ADGRL3: variants seen among roughly 807,000 people sequenced by gnomAD.
ADGRL3 encodes the protein calcium-independent alpha-latrotoxin receptor 3.
In ADGRL3, 62 loss-of-function variants were observed where a neutral mutation model predicts 153.5. That is an observed-to-expected ratio of 0.40 (90% CI 0.33 to 0.50). The LOEUF is 0.50. Ranked by LOEUF, ADGRL3 falls within the 20% of genes least tolerant of loss-of-function variation. The pLI is 0.47. For missense variants in ADGRL3, 1,641 were observed against 1,859.4 expected (o/e 0.88, Z 2.16); for synonymous variants, 710 against 672.5 (o/e 1.06, Z -0.86).
At chr4:61,456,403 CTATATATATATAGA>C (rs2097745784) in intron 2 of ADGRL3, among the ~76,000 whole-genome samples, 17 of 59,334 alleles carry the variant, frequency 2.9e-4, no homozygotes, top group African/African-American at 5.7e-4. Flanking sequence ...ATATCTATAT[CTATATATATATAGA>C]TATATCTATA....
chr4:61,402,842 T>A (rs1553921378), intron 2 of ADGRL3, among the ~76,000 whole-genome samples: 1 of 152,126 alleles, frequency 6.6e-6, no homozygotes, highest in Non-Finnish European at 1.5e-5. Context: ...CATTTAATCA[T>A]TTAACAAATC....
At chr4:62,056,923 T>C (rs1375016202) in intron 25 of ADGRL3, among the ~76,000 whole-genome samples, 1 of 152,094 alleles carries the variant, frequency 6.6e-6, no homozygotes, top group East Asian at 1.9e-4. Flanking sequence ...TGACTGACTA[T>C]TGATGAATGG....
At chr4:61,953,177 A>T (rs1053511078) in intron 17 of ADGRL3, among the ~76,000 whole-genome samples, 1 of 152,228 alleles carries the variant, frequency 6.6e-6, no homozygotes, top group Admixed American at 6.5e-5. Flanking sequence ...TCATACACAG[A>T]AGTACAGCAG....
chr4:61,650,212 A>G (rs1011125014), intron 5 of ADGRL3, among the ~76,000 whole-genome samples: 1 of 152,216 alleles, frequency 6.6e-6, no homozygotes, highest in African/African-American at 2.4e-5. Flanking sequence ...ATTAAGCAGG[A>G]TAATTTTTTT....
intron 19 of ADGRL3, among the ~76,000 whole-genome samples, chr4:61,992,186 T>A (rs1421089267): frequency 6.6e-6 from 1 of 152,154 alleles, no homozygotes; most frequent in Admixed American, 6.6e-5. Flanking sequence ...ATAAATTGTA[T>A]TCTTCAATAG....
intron 2 of ADGRL3, among the ~76,000 whole-genome samples, chr4:61,396,799 T>C (rs2096873532): frequency 6.6e-6 from 1 of 151,886 alleles, no homozygotes; most frequent in Non-Finnish European, 1.5e-5. Flanking sequence ...GCTAATAACA[T>C]GTATTTTCAT....
chr4:61,539,626 G>A (rs1044052686), intron 4 of ADGRL3, among the ~76,000 whole-genome samples: 3 of 152,132 alleles, frequency 2.0e-5, no homozygotes, highest in Non-Finnish European at 4.4e-5. Flanking sequence ...GGTGTGCATC[G>A]TCTCAGTTCA....
At chr4:61,974,856 T>A (rs2099042503) in intron 17 of ADGRL3, among the ~76,000 whole-genome samples, 1 of 152,218 alleles carries the variant, frequency 6.6e-6, no homozygotes, top group Admixed American at 6.5e-5. Flanking sequence ...TCTAATTTTC[T>A]TTATCTTTTA....
intron 1 of ADGRL3, among the ~76,000 whole-genome samples, chr4:61,342,687 A>T (rs1425240071): frequency 6.6e-6 from 1 of 152,136 alleles, no homozygotes; most frequent in Non-Finnish European, 1.5e-5. Flanking sequence ...TTCTTCATTA[A>T]GAAACATTCT....
At chr4:62,007,383 T>TACACACAC (rs71269038) in intron 21 of ADGRL3, among the ~76,000 whole-genome samples, 1 of 30,782 alleles carries the variant, frequency 3.2e-5, no homozygotes, top group Non-Finnish European at 6.5e-5. Flanking sequence ...TATATATATA[T>TACACACAC]ACACACACAC....
At chr4:61,344,366 G>T (rs1048638746) in intron 1 of ADGRL3, among the ~76,000 whole-genome samples, 13 of 152,062 alleles carry the variant, frequency 8.5e-5, no homozygotes, top group Admixed American at 6.6e-5. Flanking sequence ...ACAGATGCAC[G>T]CAAGTACAGG....
chr4:61,893,161 CT>C (rs561987725), intron 10 of ADGRL3, among the ~76,000 whole-genome samples: 2,109 of 141,330 alleles, frequency 0.015, 25 homozygotes, highest in Non-Finnish European at 0.02. Flanking sequence ...TTTCCTCTTT[CT>C]TTTTTTTCAT....
intron 2 of ADGRL3, among the ~76,000 whole-genome samples, chr4:61,385,100 T>A (rs1195683895): frequency 6.6e-6 from 1 of 152,080 alleles, no homozygotes; most frequent in Non-Finnish European, 1.5e-5. Context: ...AAAACAAACC[T>A]GCCAAACATT....
intron 1 of ADGRL3, among the ~76,000 whole-genome samples, chr4:61,299,375 G>A (rs1183600737): frequency 6.6e-6 from 1 of 152,002 alleles, no homozygotes; most frequent in African/African-American, 2.4e-5. Flanking sequence ...TTCCATACTA[G>A]TGTCTTAAAT....
intron 1 of ADGRL3, among the ~76,000 whole-genome samples, chr4:61,322,564 C>T (rs1303378044): frequency 2.0e-5 from 3 of 152,180 alleles, no homozygotes; most frequent in Non-Finnish European, 4.4e-5. Context: ...TACACCCATT[C>T]CAAATGGAGA....
intron 1 of ADGRL3, among the ~76,000 whole-genome samples, chr4:61,369,038 G>T (rs529363426): frequency 8.0e-4 from 121 of 152,150 alleles, no homozygotes; most frequent in Non-Finnish European, 1.5e-3. Flanking sequence ...TTTGTCTGTT[G>T]TTGGTGTATA....
At chr4:61,906,425 A>T (rs1052053905) in intron 11 of ADGRL3, 2 of 152,116 alleles carry the variant, frequency 1.3e-5, no homozygotes, top group Non-Finnish European at 2.9e-5. Flanking sequence ...AAATTAATTT[A>T]AAAAAATTCC....
At chr4:61,894,093 G>T (rs1009899925) in intron 10 of ADGRL3, among the ~76,000 whole-genome samples, 21 of 152,036 alleles carry the variant, frequency 1.4e-4, no homozygotes, top group African/African-American at 4.1e-4. Context: ...TTAAGCAAAG[G>T]TATTCTGATT....
chr4:61,457,130 T>A (rs1560666813), intron 2 of ADGRL3, among the ~76,000 whole-genome samples: 2 of 152,014 alleles, frequency 1.3e-5, no homozygotes, highest in Admixed American at 6.6e-5. Context: ...TTATGTTTTT[T>A]AAAAAATCAA....
Sources: allele counts gnomAD v4.1 joint callset (sites outside exome capture counted in the v4.1 genomes callset), GRCh38; gene constraint gnomAD v4.1.1; transcripts MANE v1.5; gene names NCBI Gene and HGNC (gene_info 2026-07-23, HGNC 2026-07-21).